PFKFB3: variants seen among roughly 807,000 people sequenced by gnomAD.
PFKFB3 encodes the protein 6-phosphofructo-2-kinase/fructose-2,6-bisphosphatase 3.
In PFKFB3, 33 loss-of-function variants were observed where a neutral mutation model predicts 68.0. The ratio of observed to expected loss-of-function variants is 0.49; its 90% CI spans 0.37 to 0.65. The LOEUF (loss-of-function observed/expected upper bound fraction) is 0.65. PFKFB3 is among the 30% of genes least tolerant of loss of function. The pLI, the probability that PFKFB3 is intolerant of heterozygous loss-of-function variation, is 0.00. For missense variants in PFKFB3, 586 were observed against 712.2 expected (o/e 0.82, Z 2.02); for synonymous variants, 315 against 288.2 (o/e 1.09, Z -0.94).
intron 1 of PFKFB3, among the ~76,000 whole-genome samples, chr10:6,212,957 C>T (rs1844325890): frequency 1.3e-5 from 2 of 152,134 alleles, no homozygotes; most frequent in African/African-American, 4.8e-5. Context: ...GTATTGGAAT[C>T]CACCCTCTTG....
At chr10:6,151,973 TAA>T (rs71294421) in intron 1 of PFKFB3, among the ~76,000 whole-genome samples, 13 of 141,426 alleles carry the variant, frequency 9.2e-5, no homozygotes, top group South Asian at 2.2e-4. Context: ...ACTGGGGAGC[TAA>T]AAAAAAAAAA....
the PFKFB3 span, among the ~76,000 whole-genome samples, chr10:6,290,293 G>T: frequency 6.6e-6 from 1 of 151,702 alleles, no homozygotes; most frequent in African/African-American, 2.4e-5. Flanking sequence ...AGTTTTCAAA[G>T]AGAATGCTTC....
chr10:6,302,345 G>A, the PFKFB3 span, among the ~76,000 whole-genome samples: 1 of 125,790 alleles, frequency 7.9e-6, no homozygotes. Context: ...ATAAGCCACT[G>A]CCACCGTGCC....
intron 14 of PFKFB3, among the ~76,000 whole-genome samples, chr10:6,232,662 C>T (rs1845818007): frequency 1.3e-5 from 2 of 151,902 alleles, no homozygotes; most frequent in Non-Finnish European, 2.9e-5. Context: ...GGGCTCCAGG[C>T]CTGGTGCCCA....
chr10:6,313,707 C>G, the PFKFB3 span, among the ~76,000 whole-genome samples: 5 of 152,228 alleles, frequency 3.3e-5, no homozygotes, highest in African/African-American at 9.6e-5. This position sits in a 1 kb window ranked among gnomAD's most constrained non-coding sequence, Gnocchi z 4.2. Flanking sequence ...GAGATCACAG[C>G]TCATTCATCT....
Position 6,220,847 on chromosome 10 carries a change from G to A in PFKFB3, c.813G>A (p.Leu271=), listed in dbSNP as rs1332826999. The change falls in exon 8 of 15, where the codon CTG becomes CTA. Residue 271 remains leucine (L), a synonymous_variant. Transcript: ENST00000379775. This position sits in a 1 kb window ranked among gnomAD's most constrained non-coding sequence, Gnocchi z 4.1. Reference sequence around the variant, plus strand: ...GCCGCATCGGGGGCGACTCAGGCCTGTCCAGCCGGGGCAAGAAGGTGCGGG... The same window carrying A: ...GCCGCATCGGGGGCGACTCAGGCCTATCCAGCCGGGGCAAGAAGGTGCGGG... The part of the protein sequence containing the change: ...LQGRIGGDSG[L]SSRGKKFASA... 1 of 1,612,000 alleles carries A rather than the reference G, an allele frequency of 6.2e-7. No individual in the cohort carries two copies. The highest frequency in any genetic ancestry group is 8.5e-7 in the Non-Finnish European group (1 of 1,179,994).
At chr10:6,146,263 T>C (rs907417502) in intron 1 of PFKFB3, 38 of 1,465,118 alleles carry the variant, frequency 2.6e-5, no homozygotes, top group Non-Finnish European at 3.3e-5. Flanking sequence ...GATGCTACGG[T>C]TGCCTGGAGG....
chr10:6,170,786 G>A (rs1449079139), intron 1 of PFKFB3, among the ~76,000 whole-genome samples: 3 of 151,968 alleles, frequency 2.0e-5, no homozygotes, highest in African/African-American at 7.2e-5. Context: ...TGAGGAGCTA[G>A]GTTTGGCTGG....
At chr10:6,262,469 A>AAAAT in the PFKFB3 span, among the ~76,000 whole-genome samples, 7 of 121,728 alleles carry the variant, frequency 5.8e-5, 1 homozygote, top group African/African-American at 1.8e-4. Context: ...AAAAAAAAAA[A>AAAAT]AAAAAAAAAA....
intron 1 of PFKFB3, among the ~76,000 whole-genome samples, chr10:6,209,542 C>A (rs1430853953): frequency 6.6e-6 from 1 of 151,754 alleles, no homozygotes; most frequent in Admixed American, 6.6e-5. Context: ...GGTACAATCT[C>A]GGCTCACTGC....
chr10:6,179,180 T>C (rs1293470751), intron 1 of PFKFB3, among the ~76,000 whole-genome samples: 1 of 152,126 alleles, frequency 6.6e-6, no homozygotes, highest in Non-Finnish European at 1.5e-5. Context: ...GAGGAGAAAG[T>C]GGGGCACAGA....
chr10:6,281,166 C>CCCATATATAT, the PFKFB3 span, among the ~76,000 whole-genome samples: 1 of 84,510 alleles, frequency 1.2e-5, no homozygotes, highest in Non-Finnish European at 2.8e-5. Flanking sequence ...AGTATTCCAT[C>CCCATATATAT]ATATATATAT....
chr10:6,205,388 C>CTT (rs3084014), intron 1 of PFKFB3, among the ~76,000 whole-genome samples: 36,503 of 104,656 alleles, frequency 0.35, 7,574 homozygotes, highest in East Asian at 0.5. Flanking sequence ...TTCTTTCTTC[C>CTT]TTTTTTTTTT....
chr10:6,223,876 CA>C lies in PFKFB3; in HGVS notation c.1214-79del, dbSNP rs1445449445. 3.9e-6 allele frequency: 5 copies of C among 1,281,226 alleles called. No individual in the cohort carries two copies. The Admixed American group carries it at 8.4e-5, about 22-fold the overall frequency. 79.4% of individuals were successfully genotyped at this position (1,281,226 alleles called of 1,614,324 possible). On this transcript the variant is annotated intron_variant, in intron 11 of 14. Transcript: ENST00000379775. The stretch of plus-strand genomic sequence containing the variant: ...AGGTGATCCACCTGCCTCGGCCTCC[CA>C]AAGTGCTGGGATTACAGGCGTGAGC...
intron 1 of PFKFB3, among the ~76,000 whole-genome samples, chr10:6,169,851 G>C (rs1842253601): frequency 6.6e-6 from 1 of 152,216 alleles, no homozygotes; most frequent in African/African-American, 2.4e-5. Context: ...CCCTAACATT[G>C]TTATGTCTTG....
intron 1 of PFKFB3, 101 bp downstream of exon 1, chr10:6,203,437 C>A: frequency 2.8e-6 from 2 of 710,340 alleles, no homozygotes; most frequent in Non-Finnish European, 3.9e-6. Flanking sequence ...GGGGGGCGCG[C>A]CCGTGCGGGT....
At chr10:6,241,618 G>A (rs1846141532) in intron 14 of PFKFB3, among the ~76,000 whole-genome samples, 1 of 152,120 alleles carries the variant, frequency 6.6e-6, no homozygotes, top group Admixed American at 6.5e-5. Flanking sequence ...GATCGCTTAA[G>A]CCCAGGAGTC....
intron 14 of PFKFB3, among the ~76,000 whole-genome samples, chr10:6,243,109 C>T (rs1846176563): frequency 6.6e-6 from 1 of 152,128 alleles, no homozygotes; most frequent in East Asian, 1.9e-4. Flanking sequence ...CCAGAGCTAA[C>T]GTCTAATTGA....
rs1177269974 is a variant in PFKFB3 at position 6,223,849 on chromosome 10, T to G, written c.1214-109T>G. On this transcript the variant is annotated intron_variant, in intron 11 of 14. Coordinates refer to ENST00000379775, the MANE Select transcript of PFKFB3 (RefSeq NM_004566.4). ...TCAGGCTGGTCTTGAACTCCTGACC[T>G]CAGGTGATCCACCTGCCTCGGCCTC... The G allele has an allele frequency of 7.8e-6, 7 of 899,096 alleles. No homozygotes were observed. The Admixed American group carries it at 1.2e-4, about 15-fold the overall frequency. The allele number at this position is 899,096 out of a possible 1,614,324, so 55.7% of individuals were successfully genotyped here. A position where few individuals can be genotyped will look rare whatever the true frequency, so the allele number is the denominator to read the frequency against.
Sources: allele counts gnomAD v4.1 joint callset (sites outside exome capture counted in the v4.1 genomes callset), GRCh38; gene constraint gnomAD v4.1.1; non-coding constraint Gnocchi (gnomAD v3.1); transcripts MANE v1.5; gene names NCBI Gene and HGNC (gene_info 2026-07-23, HGNC 2026-07-21).